KCNK2: variants seen among roughly 807,000 people sequenced by gnomAD.
The protein encoded by KCNK2 is potassium two pore domain channel subfamily K member 2, also known as potassium channel subfamily K member 2.
KCNK2 carries 21 observed loss-of-function variants against 40.5 expected under a neutral mutation model. That is an observed-to-expected ratio of 0.52 (90% CI 0.37 to 0.75). The LOEUF is 0.75. Among genes scored for constraint, KCNK2 ranks in the 30% least tolerant of loss-of-function variants. KCNK2 has a pLI of 0.00. For missense variants in KCNK2, 399 were observed against 531.6 expected (o/e 0.75, Z 2.45); for synonymous variants, 191 against 202.2 (o/e 0.94, Z 0.47).
chr1:215,105,371 T>C (rs1660392037), intron 2 of KCNK2, among the ~76,000 whole-genome samples: 1 of 152,124 alleles, frequency 6.6e-6, no homozygotes, highest in Non-Finnish European at 1.5e-5. Flanking sequence ...CGTAGTATTA[T>C]CAAGTTTCAT....
In KCNK2 at chr1:215,235,104, T is replaced by A. The variant is rs1333977190; in HGVS notation, c.1240T>A (p.Cys414Ser). Residue 414 changes from cysteine (C) to serine (S), a missense_variant, in exon 7 of 7, where the codon TGT becomes AGT. By Grantham distance (112) the Cys-to-Ser change is moderately radical. Around this residue, in one of 3 missense-constraint regions of KCNK2, gnomAD observed 103 missense variants for 124.3 expected, o/e 0.83. Transcript: ENST00000444842. ...SIYLNGLTPH[C>S]AGEEIAVIEN... ...CTATCTGAATGGTTTGACGCCACACTGTGCTGGTGAAGAGATTGCTGTGAT... is the reference window on the plus strand; with the variant it reads ...CTATCTGAATGGTTTGACGCCACACAGTGCTGGTGAAGAGATTGCTGTGAT... The A allele has an allele frequency of 1.2e-6, 2 of 1,606,196 alleles. No individual in the cohort carries two copies. The highest frequency in any genetic ancestry group is 1.7e-6 in the Non-Finnish European group (2 of 1,173,318).
At chr1:215,011,682 T>G (rs966263262) in intron 1 of KCNK2, among the ~76,000 whole-genome samples, 1 of 151,908 alleles carries the variant, frequency 6.6e-6, no homozygotes, top group Non-Finnish European at 1.5e-5. Flanking sequence ...CTCAGCTCAC[T>G]GCAACCTCTG....
intron 1 of KCNK2, among the ~76,000 whole-genome samples, chr1:215,034,783 A>G (rs977430402): frequency 6.6e-6 from 1 of 151,964 alleles, no homozygotes; most frequent in Non-Finnish European, 1.5e-5. Flanking sequence ...ATATTGCTTT[A>G]TCTTTGGACA....
In KCNK2 at chr1:215,116,962, C is replaced by T. The variant is rs61818321; in HGVS notation, c.358-7671C>T. Among the ~76,000 whole-genome samples the T allele has an allele frequency of 9.7e-3, 1,467 of 151,914 alleles. 24 individuals carry two copies. Among genetic ancestry groups the T allele is most frequent in the South Asian group, 0.061 (295 of 4,808 alleles). On this transcript the variant is annotated intron_variant, in intron 2 of 6. Coordinates refer to ENST00000444842, the MANE Select transcript of KCNK2 (RefSeq NM_001017425.3). Reference sequence around the variant, plus strand: ...TGCAAAGTACTACTCCATTTCTTTTCTCCACATGAAATCAAATATATATTT... The same window carrying T: ...TGCAAAGTACTACTCCATTTCTTTTTTCCACATGAAATCAAATATATATTT...
chr1:215,032,103 AT>A (rs368295671), intron 1 of KCNK2, among the ~76,000 whole-genome samples: 2,924 of 137,566 alleles, frequency 0.021, 23 homozygotes, highest in Middle Eastern at 0.027. Flanking sequence ...TCAATTAAGG[AT>A]TTTTTTTTTT....
At chr1:215,063,803 G>T (rs1658439388) in intron 1 of KCNK2, among the ~76,000 whole-genome samples, 1 of 152,142 alleles carries the variant, frequency 6.6e-6, no homozygotes, top group African/African-American at 2.4e-5. Context: ...GTCCTGGCAA[G>T]CATTAGAACC....
intron 3 of KCNK2, among the ~76,000 whole-genome samples, chr1:215,125,103 C>T (rs188729596): frequency 6.6e-6 from 1 of 152,192 alleles, no homozygotes; most frequent in Admixed American, 6.5e-5. Context: ...GCAATTTTGA[C>T]ATTCTTTTCA....
intron 1 of KCNK2, among the ~76,000 whole-genome samples, chr1:215,025,617 G>A (rs2802642): frequency 0.44 from 66,767 of 151,862 alleles, 16,358 homozygotes; most frequent in Non-Finnish European, 0.55. Flanking sequence ...GTATGTTTTT[G>A]TCATTATTTG....
At chr1:215,139,241 A>G (rs749903829) in intron 3 of KCNK2, among the ~76,000 whole-genome samples, 68 of 152,172 alleles carry the variant, frequency 4.5e-4, no homozygotes, top group South Asian at 8.3e-4. Flanking sequence ...TCATTTATGT[A>G]TGGATATGTG....
At chr1:215,063,005 T>C (rs1658409922) in intron 1 of KCNK2, among the ~76,000 whole-genome samples, 1 of 152,114 alleles carries the variant, frequency 6.6e-6, no homozygotes, top group Non-Finnish European at 1.5e-5. Context: ...CCAGAAAGGT[T>C]CCTGTGAGAG....
intron 2 of KCNK2, among the ~76,000 whole-genome samples, chr1:215,122,739 T>TC: frequency 6.8e-6 from 1 of 146,632 alleles, no homozygotes; most frequent in African/African-American, 2.5e-5. Flanking sequence ...ACATTCATAA[T>TC]CTTTTTTTTT....
At chr1:215,134,150 CAG>C (rs1227209764) in intron 3 of KCNK2, among the ~76,000 whole-genome samples, 2 of 152,080 alleles carry the variant, frequency 1.3e-5, no homozygotes, top group Non-Finnish European at 2.9e-5. Flanking sequence ...CGACTTGACA[CAG>C]GGCATTTCTG....
At chr1:215,201,809 A>T (rs773288404) in intron 6 of KCNK2, among the ~76,000 whole-genome samples, 44 of 152,276 alleles carry the variant, frequency 2.9e-4, no homozygotes, top group Non-Finnish European at 5.4e-4. Flanking sequence ...CTAAGAAGGT[A>T]CTTAGTCTTT....
intron 3 of KCNK2, among the ~76,000 whole-genome samples, chr1:215,153,574 AT>A (rs1558115498): frequency 6.7e-6 from 1 of 149,354 alleles, no homozygotes; most frequent in Non-Finnish European, 1.5e-5. Context: ...TTATATATAT[AT>A]ATATATTTTT....
chr1:215,149,999 T>C (rs1244189181), intron 3 of KCNK2, among the ~76,000 whole-genome samples: 1 of 152,194 alleles, frequency 6.6e-6, no homozygotes, highest in Non-Finnish European at 1.5e-5. Flanking sequence ...AGGGCTATCA[T>C]GATGACTAAA....
intron 1 of KCNK2, among the ~76,000 whole-genome samples, chr1:215,035,822 G>A (rs964976264): frequency 6.6e-5 from 10 of 151,842 alleles, no homozygotes; most frequent in African/African-American, 1.9e-4. Flanking sequence ...AATTACTTTC[G>A]AACCCAGCTG....
intron 2 of KCNK2, among the ~76,000 whole-genome samples, chr1:215,101,315 T>G (rs940555737): frequency 2.6e-5 from 4 of 151,994 alleles, no homozygotes; most frequent in Non-Finnish European, 4.4e-5. Context: ...GAGGTGGGCT[T>G]CTTTAGATGG....
intron 6 of KCNK2, among the ~76,000 whole-genome samples, chr1:215,233,828 G>C (rs1373442141): frequency 6.6e-6 from 1 of 152,180 alleles, no homozygotes; most frequent in African/African-American, 2.4e-5. Flanking sequence ...GGTTAGTTAA[G>C]AGGATTATAA....
chr1:215,037,548 A>G (rs1376629790), intron 1 of KCNK2, among the ~76,000 whole-genome samples: 8 of 152,008 alleles, frequency 5.3e-5, no homozygotes, highest in Non-Finnish European at 2.9e-5. Flanking sequence ...CATACGTTAA[A>G]TGTTAAATAT....
Sources: allele counts gnomAD v4.1 joint callset (sites outside exome capture counted in the v4.1 genomes callset), GRCh38; gene constraint gnomAD v4.1.1; regional missense constraint gnomAD v4.1.1; transcripts MANE v1.5; gene names NCBI Gene and HGNC (gene_info 2026-07-23, HGNC 2026-07-21).